Variants in LRRFIP2 observed in about 807,000 individuals in gnomAD.
LRRFIP2 encodes the protein LRR binding FLII interacting protein 2.
A neutral mutation model predicts 125.9 loss-of-function variants in LRRFIP2; 109 were observed. That is an observed-to-expected ratio of 0.87 (90% CI 0.74 to 1.01). The LOEUF (loss-of-function observed/expected upper bound fraction) is 1.01. Ranked by LOEUF, LRRFIP2 falls within the 50% of genes least tolerant of loss-of-function variation. The pLI is 0.00. For synonymous variants in LRRFIP2, 291 were observed against 293.1 expected (o/e 0.99, Z 0.07); for missense variants, 850 against 862.3 (o/e 0.99, Z 0.18).
At chr3:37,099,296 C>T (rs2093897057) in intron 15 of LRRFIP2, among the ~76,000 whole-genome samples, 1 of 152,114 alleles carries the variant, frequency 6.6e-6, no homozygotes, top group African/African-American at 2.4e-5. Flanking sequence ...CAATAGGATC[C>T]AACAGCCAAG....
chr3:37,160,314 C>A lies in LRRFIP2; in HGVS notation c.-55-11276G>T, dbSNP rs561433372. Among the ~76,000 whole-genome samples the A allele has an allele frequency of 1.3e-3, 193 of 152,198 alleles. 1 individual carries two copies. The highest frequency in any genetic ancestry group is 2.4e-3 in the Non-Finnish European group (164 of 68,010). On this transcript the variant is annotated intron_variant, in intron 1 of 27. Coordinates refer to ENST00000336686, the MANE Select transcript of LRRFIP2 (RefSeq NM_006309.4). The stretch of plus-strand genomic sequence containing the variant: ...TCGAGGGAGGTCAAAATTGACCAAC[C>A]CCACCTACTTTCAAACCAAGAAGTC...
At chr3:37,142,211 C>T (rs1400193176) in intron 2 of LRRFIP2, among the ~76,000 whole-genome samples, 1 of 146,816 alleles carries the variant, frequency 6.8e-6, no homozygotes, top group Non-Finnish European at 1.5e-5. Flanking sequence ...GATCCCAGCT[C>T]ATCACAGCCT....
At chr3:37,058,686 A>G (rs2087637159) in intron 25 of LRRFIP2, 104 bp downstream of exon 25, 2 of 1,302,452 alleles carry the variant, frequency 1.5e-6, no homozygotes, top group Non-Finnish European at 1.1e-6. Context: ...AAAAAAAAAA[A>G]AAAAAGAAAA....
chr3:37,081,643 G>A (rs775913307), intron 19 of LRRFIP2, among the ~76,000 whole-genome samples: 15 of 152,224 alleles, frequency 9.9e-5, no homozygotes, highest in Non-Finnish European at 1.9e-4. Flanking sequence ...CAGCACTGTG[G>A]GAAGCTGAGG....
rs755797802 is a variant in LRRFIP2 at position 37,054,473 on chromosome 3, C to T, written c.1993G>A (p.Ala665Thr). 48 of 1,613,950 alleles carry T rather than the reference C, an allele frequency of 3.0e-5. No homozygotes were observed. Among genetic ancestry groups the T allele is most frequent in the African/African-American group, 5.3e-5 (4 of 74,922 alleles). The change falls in exon 27 of 28, where the codon GCT becomes ACT. Residue 665 changes from alanine (A) to threonine (T), a missense_variant. By Grantham distance (58) the Ala-to-Thr change is moderately conservative. Coordinates refer to ENST00000336686, the MANE Select transcript of LRRFIP2 (RefSeq NM_006309.4). The part of the protein sequence containing the change: ...EGQVLRYKTA[A>T]ENAEKVEDEL... ...TCTTCAACTTTCTCAGCATTCTCAGCAGCAGTTTTATATCTCAGAACCTGT... is the reference window on the plus strand; with the variant it reads ...TCTTCAACTTTCTCAGCATTCTCAGTAGCAGTTTTATATCTCAGAACCTGT...
chr3:37,128,424 A>T (rs558765807), intron 3 of LRRFIP2, among the ~76,000 whole-genome samples: 5 of 152,194 alleles, frequency 3.3e-5, no homozygotes, highest in East Asian at 1.9e-4. Context: ...ATTCTTAAAA[A>T]TTTTTTTCTT....
rs149678118 is a variant in LRRFIP2 at position 37,071,249 on chromosome 3, A to G, written c.1464+1541T>C. 3.1e-3 allele frequency among the ~76,000 whole-genome samples: 470 copies of G among 152,258 alleles called. 5 individuals carry two copies. Among genetic ancestry groups the G allele is most frequent in the African/African-American group, 0.011 (450 of 41,554 alleles). The stretch of plus-strand genomic sequence containing the variant: ...CAAACTTTTTTAAAGAAAGGGTATC[A>G]CTCTATTGCTTAGGCTGGAGTGCCA... On this transcript the variant is annotated intron_variant, in intron 21 of 27. Transcript: ENST00000336686.
intron 7 of LRRFIP2, 76 bp downstream of exon 7, chr3:37,114,978 C>T: frequency 8.8e-7 from 1 of 1,130,806 alleles, no homozygotes; most frequent in Non-Finnish European, 1.3e-6. Flanking sequence ...GAAAGTTAGT[C>T]ATATTCTATA....
chr3:37,115,291 C>G (rs1313858801), intron 6 of LRRFIP2, among the ~76,000 whole-genome samples, 196 bp from the exon 7 acceptor site: 1 of 152,140 alleles, frequency 6.6e-6, no homozygotes, highest in African/African-American at 2.4e-5. Context: ...TATTGCTAAA[C>G]TGTATGTATA....
intron 6 of LRRFIP2, among the ~76,000 whole-genome samples, chr3:37,116,522 C>T (rs1336829906): frequency 6.6e-6 from 1 of 152,132 alleles, no homozygotes; most frequent in Non-Finnish European, 1.5e-5. Flanking sequence ...TTTTGTGAAA[C>T]TTTTGTTTCA....
chr3:37,122,797 T>C (rs773784798), intron 4 of LRRFIP2, among the ~76,000 whole-genome samples: 4 of 152,230 alleles, frequency 2.6e-5, no homozygotes, highest in Non-Finnish European at 4.4e-5. Context: ...AAATTAAATG[T>C]AATTCTAAAC....
Position 37,091,540 on chromosome 3 carries a change from T to C in LRRFIP2, c.1036-2A>G. On this transcript the variant is annotated splice_acceptor_variant, in intron 17 of 27. Coordinates refer to ENST00000336686, the MANE Select transcript of LRRFIP2 (RefSeq NM_006309.4). LOFTEE classifies it high-confidence loss of function. ...CTGGTCCTTAAGGTCATAGATATCC[T>C]GCAGGACATAGGAATGAACCATTGC... 6.2e-7 allele frequency: 1 copy of C among 1,604,708 alleles called. No individual in the cohort carries two copies. The highest frequency in any genetic ancestry group is 1.1e-5 in the South Asian group (1 of 89,916).
At chr3:37,075,155 G>T in intron 19 of LRRFIP2, 39 bp from the exon 20 acceptor site, 2 of 1,430,186 alleles carry the variant, frequency 1.4e-6, no homozygotes, top group Non-Finnish European at 2.0e-6. Context: ...ACAGGTCATG[G>T]CACACAAGAA....
intron 22 of LRRFIP2, 137 bp downstream of exon 22, chr3:37,066,087 G>A (rs939108537): frequency 7.6e-7 from 1 of 1,321,730 alleles, no homozygotes; most frequent in African/African-American, 1.4e-5. Flanking sequence ...GTAAGAAATA[G>A]CTTCAACCTA....
intron 4 of LRRFIP2, among the ~76,000 whole-genome samples, chr3:37,127,376 AAC>A (rs1470332112): frequency 6.6e-6 from 1 of 152,152 alleles, no homozygotes. Context: ...ATAAAAAGAA[AAC>A]ACACATTCAT....
At chr3:37,069,333 G>A (rs972650132) in intron 21 of LRRFIP2, among the ~76,000 whole-genome samples, 1 of 152,210 alleles carries the variant, frequency 6.6e-6, no homozygotes, top group African/African-American at 2.4e-5. Flanking sequence ...AAAGGTAGAT[G>A]TGTTGATATA....
chr3:37,132,668 T>C lies in LRRFIP2; in HGVS notation c.91-3519A>G, dbSNP rs336596. On this transcript the variant is annotated intron_variant, in intron 2 of 27. Transcript: ENST00000336686. ...TACTAGATGCTTGAAGCAACATGGATAAGCAGGAGTAGCAAGGAGCCAACA... is the reference window on the plus strand; with the variant it reads ...TACTAGATGCTTGAAGCAACATGGACAAGCAGGAGTAGCAAGGAGCCAACA... Among the ~76,000 whole-genome samples, 456 of 152,320 alleles carry C rather than the reference T, an allele frequency of 3.0e-3. 2 individuals carry two copies. Among genetic ancestry groups the C allele is most frequent in the Non-Finnish European group, 5.1e-3 (345 of 68,024 alleles).
At chr3:37,112,709 T>C (rs950027689) in intron 8 of LRRFIP2, among the ~76,000 whole-genome samples, 5 of 152,240 alleles carry the variant, frequency 3.3e-5, no homozygotes, top group South Asian at 2.1e-4. Flanking sequence ...TCTTGTGATA[T>C]AGTACTAACT....
chr3:37,157,562 G>A (rs1203895869), intron 1 of LRRFIP2, among the ~76,000 whole-genome samples: 1 of 151,614 alleles, frequency 6.6e-6, no homozygotes, highest in African/African-American at 2.4e-5. Flanking sequence ...GAGAGAGAGG[G>A]GAAAAGAGGA....
Sources: allele counts gnomAD v4.1 joint callset (sites outside exome capture counted in the v4.1 genomes callset), GRCh38; gene constraint gnomAD v4.1.1; transcripts MANE v1.5; gene names NCBI Gene and HGNC (gene_info 2026-07-23, HGNC 2026-07-21).